RELB: variants seen among roughly 807,000 people sequenced by gnomAD.
The protein encoded by RELB is RELB proto-oncogene, NF-kB subunit, also known as transcription factor RelB.
In RELB, 14 loss-of-function variants were observed where a neutral mutation model predicts 55.4. The ratio of observed to expected loss-of-function variants is 0.25; its 90% confidence interval spans 0.17 to 0.40. The LOEUF is 0.40. RELB is among the 10% of genes least tolerant of loss of function. RELB has a pLI of 1.00. For missense variants in RELB, 669 were observed against 830.7 expected (o/e 0.81, Z 2.39); for synonymous variants, 409 against 371.3 (o/e 1.10, Z -1.17).
rs542008871 is a variant in RELB, at chr19:45,023,444, C to T, written c.662+1234C>T. Among the ~76,000 whole-genome samples the T allele has an allele frequency of 1.4e-3, 216 of 151,732 alleles. 2 individuals carry two copies. The highest frequency in any genetic ancestry group is 4.9e-3 in the African/African-American group (202 of 41,354). ...TCCTTCCTTCCTTCCGTCCTTCTTT[C>T]TTTCTTTCTTTCAGACAGAGTCTCG... On this transcript the variant is annotated intron_variant, in intron 5 of 11. Transcript: ENST00000221452.
At chr19:45,025,799 C>T in intron 7 of RELB, 62 bp downstream of exon 7, 1 of 1,602,912 alleles carries the variant, frequency 6.2e-7, no homozygotes, top group Non-Finnish European at 8.5e-7. Flanking sequence ...GAATGTCCCG[C>T]TTACAGAGGC....
At chr19:45,021,296 A>AC (rs1971484112) in intron 4 of RELB, among the ~76,000 whole-genome samples, 1 of 151,418 alleles carries the variant, frequency 6.6e-6, no homozygotes, top group African/African-American at 2.4e-5. Context: ...ACACGGTGAA[A>AC]CCCCATCTCT....
chr19:45,029,915 T>C (rs1248871922), intron 8 of RELB, among the ~76,000 whole-genome samples: 1 of 151,530 alleles, frequency 6.6e-6, no homozygotes, highest in Admixed American at 6.6e-5. Flanking sequence ...CCTGTAATCC[T>C]AGCACAGTTT....
intron 2 of RELB, among the ~76,000 whole-genome samples, chr19:45,009,083 T>C (rs888149366): frequency 6.6e-6 from 1 of 151,944 alleles, no homozygotes; most frequent in Non-Finnish European, 1.5e-5. Context: ...CTTTTTGTTG[T>C]TGTTGTTGTT....
At chr19:45,006,157 A>G (rs556303018) in intron 2 of RELB, among the ~76,000 whole-genome samples, 1 of 152,334 alleles carries the variant, frequency 6.6e-6, no homozygotes, top group African/African-American at 2.4e-5. Context: ...ATGATATTTA[A>G]TAACAGGGTG....
chr19:45,012,336 C>T (rs1048411728), intron 4 of RELB, 60 bp downstream of exon 4: 161 of 1,033,854 alleles, frequency 1.6e-4, no homozygotes, highest in Admixed American at 2.0e-4. Context: ...ACCCCGGAGC[C>T]ATCCACATGC....
At chr19:45,036,288 G>GCCA (rs1372690983) in intron 11 of RELB, among the ~76,000 whole-genome samples, 1 of 152,176 alleles carries the variant, frequency 6.6e-6, no homozygotes, top group Non-Finnish European at 1.5e-5. Context: ...GGCCGGGCTG[G>GCCA]TCTTGAACTT....
rs753592395 is a variant in RELB, at chr19:45,025,596, C to T, written c.755-10C>T. The T allele has an allele frequency of 1.9e-6, 3 of 1,613,844 alleles. No individual in the cohort carries two copies. Among genetic ancestry groups the T allele is most frequent in the East Asian group, 2.2e-5 (1 of 44,876 alleles). Reference sequence around the variant, plus strand: ...TCCCACCCTCAGCCTCCCCATATCTCCCCCGACAGCTGGGTCCCTGAAGAA... The same window carrying T: ...TCCCACCCTCAGCCTCCCCATATCTTCCCCGACAGCTGGGTCCCTGAAGAA... On this transcript the variant is annotated splice_polypyrimidine_tract_variant and intron_variant, in intron 6 of 11. Coordinates refer to ENST00000221452, the MANE Select transcript of RELB (RefSeq NM_006509.4).
rs373118369 is a variant in RELB, at chr19:45,025,401, G to A, written c.735G>A (p.Leu245=). 2 of 1,612,128 alleles carry A rather than the reference G, an allele frequency of 1.2e-6. No individual in the cohort carries two copies. The highest frequency in any genetic ancestry group is 1.7e-6 in the Non-Finnish European group (2 of 1,179,212). ...CTGCCATTGAGCGGAAGATTCAACT[G>A]GGCATTGACCCCTACAACGGTGAGC... ...IEAAIERKIQ[L]GIDPYNAGSL... is the part of the protein sequence containing the mutation. The change falls in exon 6 of 12, where the codon CTG becomes CTA. Residue 245 remains leucine, a synonymous_variant. Coordinates refer to ENST00000221452, the MANE Select transcript of RELB (RefSeq NM_006509.4).
At chr19:45,036,610 A>T (rs911079458) in intron 11 of RELB, among the ~76,000 whole-genome samples, 2 of 152,138 alleles carry the variant, frequency 1.3e-5, no homozygotes, top group African/African-American at 4.8e-5. Flanking sequence ...GTGTAGGAGC[A>T]TGGTTTCAAC....
chr19:45,002,583 C>T (rs942550806), intron 1 of RELB, among the ~76,000 whole-genome samples: 2 of 152,130 alleles, frequency 1.3e-5, no homozygotes, highest in Non-Finnish European at 2.9e-5. Flanking sequence ...GAACTTCTGA[C>T]CTCAGGTGAT....
intron 9 of RELB, among the ~76,000 whole-genome samples, chr19:45,033,858 A>T (rs113318857): frequency 0.045 from 6,563 of 145,014 alleles, 329 homozygotes; most frequent in African/African-American, 0.13. Flanking sequence ...TCCATCTTTA[A>T]AAAAAAAAAA....
chr19:45,022,122 C>G lies in RELB; in HGVS notation c.574C>G (p.Arg192Gly), dbSNP rs1971496520. The change falls in exon 5 of 12, where the codon CGA becomes GGA. Residue 192 changes from arginine to glycine, a missense_variant. Physicochemically the swap from Arg to Gly is moderately radical, Grantham distance 125 (BLOSUM62 -2). Around this residue, in one of 3 missense-constraint regions of RELB, gnomAD observed 323 missense variants for 368.5 expected, o/e 0.88. Transcript: ENST00000221452. ...CCTGGTGTGGAAGGACTGGCCTCACCGAGTCCACCCCCACAGCCTCGTGGG... is the reference window on the plus strand; with the variant it reads ...CCTGGTGTGGAAGGACTGGCCTCACGGAGTCCACCCCCACAGCCTCGTGGG... ...ACLVWKDWPH[R>G]VHPHSLVGKD... is the part of the protein sequence containing the mutation. 6.2e-7 allele frequency: 1 copy of G among 1,613,372 alleles called. No individual in the cohort carries two copies. Among genetic ancestry groups the G allele is most frequent in the Non-Finnish European group, 8.5e-7 (1 of 1,179,698 alleles).
chr19:45,032,436 G>T, intron 8 of RELB, 98 bp from the exon 9 acceptor site: 1 of 1,010,264 alleles, frequency 9.9e-7, no homozygotes, highest in South Asian at 1.5e-5. Context: ...ATTTTAAAAA[G>T]GGGGAATATT....
Position 45,034,260 on chromosome 19 carries a change from C to G in RELB, c.1224C>G (p.Asp408Glu). The stretch of plus-strand genomic sequence containing the variant: ...CCTTAACAGACAGCTACGGCGTGGA[C>G]AAGAAGCGGAAACGGGGGATGCCCG... Reference protein sequence around the residue: ...LPRDHDSYGVDKKRKRGMPDV... With the variant: ...LPRDHDSYGVEKKRKRGMPDV... The change falls in exon 10 of 12, where the codon GAC (aspartate) becomes GAG (glutamate). Residue 408 changes from aspartate to glutamate, a missense_variant. Transcript: ENST00000221452. 1 of 1,613,950 alleles carries G rather than the reference C, an allele frequency of 6.2e-7. No individual in the cohort carries two copies. The highest frequency in any genetic ancestry group is 8.5e-7 in the Non-Finnish European group (1 of 1,179,806).
At position 45,002,957 on chromosome 19, in the gene RELB, G is replaced by T; in HGVS notation, c.115G>T (p.Asp39Tyr). ...TTTCTCCTTCTCTGCAGGGTCCCCCGACCTCTCCTCACTCTCGCTCGCCGT... is the reference window on the plus strand; with the variant it reads ...TTTCTCCTTCTCTGCAGGGTCCCCCTACCTCTCCTCACTCTCGCTCGCCGT... ...APELGALGSP[D>Y]LSSLSLAVSR... The change falls in exon 2 of 12, where the codon GAC becomes TAC. Residue 39 changes from aspartate (D) to tyrosine (Y), a missense_variant. Around this residue, in one of 3 missense-constraint regions of RELB, gnomAD observed 323 missense variants for 368.5 expected, o/e 0.88. Coordinates refer to ENST00000221452, the MANE Select transcript of RELB (RefSeq NM_006509.4). 1 of 1,613,412 alleles carries T rather than the reference G, an allele frequency of 6.2e-7. No individual in the cohort carries two copies. Among genetic ancestry groups the T allele is most frequent in the Non-Finnish European group, 8.5e-7 (1 of 1,179,728 alleles).
At chr19:45,009,569 G>A (rs1971324151) in intron 2 of RELB, among the ~76,000 whole-genome samples, 1 of 152,116 alleles carries the variant, frequency 6.6e-6, no homozygotes, top group South Asian at 2.1e-4. Context: ...GAGGCATTTG[G>A]CTTAGTTGGA....
chr19:45,001,795 C>CG (rs1971213700), intron 1 of RELB, 110 bp downstream of exon 1: 1 of 631,320 alleles, frequency 1.6e-6, no homozygotes, highest in Non-Finnish European at 2.6e-6. Context: ...AAGGGTTTCG[C>CG]GGGGGCAGAG....
chr19:45,032,491 T>C (rs1971635959), intron 8 of RELB, 43 bp from the exon 9 acceptor site: 5 of 1,511,236 alleles, frequency 3.3e-6, no homozygotes, highest in Non-Finnish European at 4.6e-6. Flanking sequence ...AGCACAGTGG[T>C]CCAGATGTCC....
Sources: gnomAD v4.1 joint callset for allele counts (sites outside exome capture counted in the v4.1 genomes callset) on GRCh38, gnomAD v4.1.1 for gene constraint, gnomAD v4.1.1 regional missense constraint, MANE v1.5 for transcripts, NCBI Gene and HGNC (gene_info 2026-07-23, HGNC 2026-07-21) for gene names.